Variants in VAV3 observed in about 807,000 individuals in gnomAD.
The protein encoded by VAV3 is guanine nucleotide exchange factor VAV3.
Under a neutral mutation model 131.2 loss-of-function variants are expected in VAV3, and 94 were observed. The ratio of observed to expected loss-of-function variants is 0.72; its 90% CI spans 0.61 to 0.85. VAV3 has a LOEUF of 0.85. Among genes scored for constraint, VAV3 ranks in the 40% least tolerant of loss-of-function variants. The pLI is 0.00. For synonymous variants in VAV3, 349 were observed against 342.0 expected (o/e 1.02, Z -0.22); for missense variants, 939 against 1,002.7 (o/e 0.94, Z 0.86).
intron 15 of VAV3, among the ~76,000 whole-genome samples, chr1:107,710,244 T>A (rs2101874201): frequency 6.6e-6 from 1 of 152,292 alleles, no homozygotes; most frequent in East Asian, 1.9e-4. Flanking sequence ...TCTATCAGTA[T>A]TAACAATCAA....
At chr1:107,748,359 C>T (rs557134334) in intron 15 of VAV3, among the ~76,000 whole-genome samples, 4 of 152,250 alleles carry the variant, frequency 2.6e-5, no homozygotes, top group South Asian at 4.1e-4. Flanking sequence ...TTGGTTATTA[C>T]GTCTCAGAAT....
intron 6 of VAV3, among the ~76,000 whole-genome samples, chr1:107,769,010 C>T (rs1664891804): frequency 6.6e-6 from 1 of 152,174 alleles, no homozygotes; most frequent in African/African-American, 2.4e-5. Flanking sequence ...GTACTGGTCT[C>T]TCAGTTCCTT....
At chr1:107,762,730 T>G (rs1229512908) in intron 9 of VAV3, among the ~76,000 whole-genome samples, 1 of 152,158 alleles carries the variant, frequency 6.6e-6, no homozygotes, top group Non-Finnish European at 1.5e-5. Flanking sequence ...AAAAAGTCAG[T>G]TCCTTTACAT....
intron 10 of VAV3, among the ~76,000 whole-genome samples, chr1:107,760,063 C>T (rs1391431761): frequency 6.6e-6 from 1 of 152,056 alleles, no homozygotes; most frequent in Non-Finnish European, 1.5e-5. Flanking sequence ...AGCTACAGTT[C>T]AAGAAATTTA....
Position 107,705,030 on chromosome 1 carries a change from T to C in VAV3, c.1534A>G (p.Asn512Asp). Reference protein sequence around the residue: ...SNIRPDYADSNFHDFKMHTFT... With the variant: ...SNIRPDYADSDFHDFKMHTFT... ...GTATGCATCTTGAAGTCGTGGAAAT[T>C]GGAGTCTGCATAGTCTGGTCTTATG... The change falls in exon 16 of 27, where the codon AAT (asparagine) becomes GAT (aspartate). Residue 512 changes from asparagine to aspartate, a missense_variant. Coordinates refer to ENST00000370056, the MANE Select transcript of VAV3 (RefSeq NM_006113.5). 1 of 1,613,804 alleles carries C rather than the reference T, an allele frequency of 6.2e-7. No homozygotes were observed. Among genetic ancestry groups the C allele is most frequent in the Non-Finnish European group, 8.5e-7 (1 of 1,179,872 alleles).
intron 25 of VAV3, among the ~76,000 whole-genome samples, chr1:107,588,031 G>A (rs1343734809): frequency 6.6e-6 from 1 of 152,206 alleles, no homozygotes; most frequent in Non-Finnish European, 1.5e-5. Flanking sequence ...CACTGAATGA[G>A]GTTATCTGAA....
At chr1:107,626,270 C>G (rs1338781886) in intron 20 of VAV3, among the ~76,000 whole-genome samples, 1 of 152,190 alleles carries the variant, frequency 6.6e-6, no homozygotes, top group Non-Finnish European at 1.5e-5. Flanking sequence ...TCTATTTAAT[C>G]AAAGCCAGTT....
chr1:107,824,680 GT>G (rs1454717103), intron 2 of VAV3, among the ~76,000 whole-genome samples: 10 of 152,052 alleles, frequency 6.6e-5, no homozygotes, highest in Non-Finnish European at 1.5e-5. Context: ...TTAACTGAAT[GT>G]TAAATTCAGT....
intron 2 of VAV3, among the ~76,000 whole-genome samples, chr1:107,834,547 C>A (rs1668388185): frequency 1.3e-5 from 2 of 151,962 alleles, no homozygotes; most frequent in Non-Finnish European, 2.9e-5. Context: ...ATCAAGCTCA[C>A]ATGGAATAGT....
At chr1:107,724,830 TG>T (rs1484668743) in intron 15 of VAV3, among the ~76,000 whole-genome samples, 1 of 147,696 alleles carries the variant, frequency 6.8e-6, no homozygotes, top group East Asian at 2.1e-4. Context: ...CTGGATGTGG[TG>T]GGGGGAAAAA....
At chr1:107,630,680 C>T (rs1448341067) in intron 20 of VAV3, among the ~76,000 whole-genome samples, 4 of 152,144 alleles carry the variant, frequency 2.6e-5, no homozygotes, top group African/African-American at 9.6e-5. Flanking sequence ...AAACACATTC[C>T]CAGTGGGGGA....
intron 1 of VAV3, among the ~76,000 whole-genome samples, chr1:107,890,241 T>C (rs1409452384): frequency 6.6e-6 from 1 of 152,198 alleles, no homozygotes; most frequent in Non-Finnish European, 1.5e-5. Flanking sequence ...ATATATCATA[T>C]ATATTGTTAT....
chr1:107,723,763 C>G (rs188184084), intron 15 of VAV3, among the ~76,000 whole-genome samples: 20 of 143,824 alleles, frequency 1.4e-4, no homozygotes, highest in Admixed American at 8.8e-4. Context: ...TTCCATACTT[C>G]CATATTTCTC....
intron 1 of VAV3, among the ~76,000 whole-genome samples, chr1:107,942,007 C>T (rs1674016784): frequency 6.6e-6 from 1 of 152,136 alleles, no homozygotes; most frequent in East Asian, 1.9e-4. Flanking sequence ...TACCCCTCAT[C>T]TTTTCCTGCC....
At chr1:107,722,242 C>T (rs1661543504) in intron 15 of VAV3, among the ~76,000 whole-genome samples, 1 of 152,124 alleles carries the variant, frequency 6.6e-6, no homozygotes, top group South Asian at 2.1e-4. Context: ...GGGTTTTCTT[C>T]CCCACTCAAA....
chr1:107,852,357 G>A (rs1025577878), intron 2 of VAV3, among the ~76,000 whole-genome samples: 1 of 152,028 alleles, frequency 6.6e-6, no homozygotes, highest in Non-Finnish European at 1.5e-5. Flanking sequence ...TCCAATTAAG[G>A]AAGACAAAGT....
chr1:107,582,233 G>A (rs1650106720), intron 25 of VAV3, among the ~76,000 whole-genome samples: 1 of 152,136 alleles, frequency 6.6e-6, no homozygotes, highest in Admixed American at 6.6e-5. Flanking sequence ...AGAACATGCT[G>A]AGAATTTAAT....
intron 20 of VAV3, among the ~76,000 whole-genome samples, chr1:107,631,888 T>C (rs925667437): frequency 6.6e-6 from 1 of 152,042 alleles, no homozygotes; most frequent in African/African-American, 2.4e-5. Flanking sequence ...TGTTGGACAT[T>C]TGGGTTGGTT....
intron 1 of VAV3, among the ~76,000 whole-genome samples, chr1:107,882,220 AG>A (rs1186895810): frequency 6.6e-6 from 1 of 152,196 alleles, no homozygotes; most frequent in Non-Finnish European, 1.5e-5. Context: ...CACACAATGT[AG>A]ATTTTCTAAC....
Sources: gnomAD v4.1 joint callset for allele counts (sites outside exome capture counted in the v4.1 genomes callset) on GRCh38, gnomAD v4.1.1 for gene constraint, MANE v1.5 for transcripts, NCBI Gene and HGNC (gene_info 2026-07-23, HGNC 2026-07-21) for gene names.